The following MACO1 variants were observed in gnomAD, a reference collection of about 807,000 sequenced individuals.
MACO1 encodes macoilin.
In MACO1, 14 loss-of-function variants were observed where a neutral mutation model predicts 78.7. The observed-to-expected ratio is 0.18, with a 90% confidence interval of 0.12 to 0.28. MACO1 has a LOEUF of 0.28. Among genes scored for constraint, MACO1 ranks in the 10% least tolerant of loss-of-function variants. The pLI, the probability that MACO1 is intolerant of heterozygous loss-of-function variation, is 1.00. For synonymous variants in MACO1, 288 were observed against 291.6 expected, an observed-to-expected ratio of 0.99 and a Z score of 0.12; for missense variants, 501 against 799.0, an observed-to-expected ratio of 0.63 and a Z score of 4.50.
intron 9 of MACO1, 124 bp downstream of exon 9, chr1:25,489,417 A>G (rs1467762873): frequency 9.7e-6 from 11 of 1,129,182 alleles, no homozygotes; most frequent in Non-Finnish European, 1.3e-5. Context: ...CATCTGAAAA[A>G]TCTCTATGTG....
intron 1 of MACO1, among the ~76,000 whole-genome samples, chr1:25,431,612 G>A (rs1484946214): frequency 1.3e-5 from 2 of 152,048 alleles, no homozygotes; most frequent in Admixed American, 1.3e-4. Flanking sequence ...GGAGGCGCGT[G>A]GACCACAGCG....
In MACO1 at chr1:25,454,436, ATATGTGTGTGTG is replaced by A. The variant is rs1484282482; in HGVS notation, c.473+56_473+67del. 495 of 734,906 alleles carry A rather than the reference ATATGTGTGTGTG, an allele frequency of 6.7e-4. 27 individuals are homozygous for A. In the African/African-American group the frequency reaches 7.1e-3, roughly 11 times the overall value. 45.5% of individuals were successfully genotyped at this position (734,906 alleles called of 1,614,324 possible). ...TGTGTGTATATGTGTGTATGTATAT[ATATGTGTGTGTG>A]TGTGTGTGTGTGTGTGTGTGTGTAT... On this transcript the variant is annotated intron_variant, in intron 4 of 10. Transcript: ENST00000374343.
At chr1:25,478,662 G>GAGA (rs2043343945) in intron 6 of MACO1, among the ~76,000 whole-genome samples, 1 of 152,230 alleles carries the variant, frequency 6.6e-6, no homozygotes. Context: ...CTTAGAAGTT[G>GAGA]AGTGCTATCT....
intron 4 of MACO1, among the ~76,000 whole-genome samples, chr1:25,454,973 A>G (rs999101223): frequency 3.9e-5 from 6 of 152,112 alleles, no homozygotes; most frequent in Non-Finnish European, 7.4e-5. Context: ...TTGCCTTGTC[A>G]CTGCCTCTAA....
chr1:25,489,054 C>G (rs2043460229), intron 8 of MACO1, 119 bp from the exon 9 acceptor site: 3 of 1,299,844 alleles, frequency 2.3e-6, no homozygotes, highest in Admixed American at 5.5e-5. Flanking sequence ...CCCCTGACCT[C>G]AAATAATCTG....
chr1:25,449,693 A>C (rs2043047576), intron 3 of MACO1, among the ~76,000 whole-genome samples: 1 of 152,212 alleles, frequency 6.6e-6, no homozygotes. Flanking sequence ...TTTCCCAGAA[A>C]AATATAAGGG....
chr1:25,500,015 T>C lies in MACO1; in HGVS notation c.*1549T>C, dbSNP rs1031968034. 1.3e-5 allele frequency: 2 copies of C among 152,226 alleles called. No homozygotes were observed. Among genetic ancestry groups the C allele is most frequent in the Admixed American group, 1.3e-4 (2 of 15,284 alleles). 9.4% of individuals were successfully genotyped at this position (152,226 alleles called of 1,614,324 possible). On this transcript the variant is annotated 3_prime_UTR_variant, in exon 11 of 11. Coordinates refer to ENST00000374343, the MANE Select transcript of MACO1 (RefSeq NM_018202.6). ...GAATCATCTTGTGTAATTGTCACCA[T>C]GAAAGTGTTACTCAGAATTGTCATA...
chr1:25,463,500 A>T (rs757167083), intron 6 of MACO1, among the ~76,000 whole-genome samples: 29 of 152,252 alleles, frequency 1.9e-4, no homozygotes, highest in Non-Finnish European at 3.5e-4. Flanking sequence ...TTTACCTAAG[A>T]TATTTAAAAA....
intron 10 of MACO1, among the ~76,000 whole-genome samples, chr1:25,497,294 C>A (rs964415486): frequency 2.6e-5 from 4 of 151,418 alleles, no homozygotes; most frequent in Non-Finnish European, 4.4e-5. Flanking sequence ...GCGGGAGAAT[C>A]GCTTGAACCC....
chr1:25,443,633 T>G (rs981622475), intron 1 of MACO1, among the ~76,000 whole-genome samples: 2 of 152,252 alleles, frequency 1.3e-5, no homozygotes, highest in Non-Finnish European at 2.9e-5. Flanking sequence ...TTGAACTACG[T>G]TAGTTTTAAA....
intron 6 of MACO1, among the ~76,000 whole-genome samples, chr1:25,464,204 ATC>A (rs2043195862): frequency 6.6e-6 from 1 of 152,112 alleles, no homozygotes; most frequent in South Asian, 2.1e-4. Context: ...TCTTTTCACT[ATC>A]TCTTTAGTTT....
At chr1:25,491,895 C>T (rs1207805747) in intron 10 of MACO1, among the ~76,000 whole-genome samples, 1 of 152,074 alleles carries the variant, frequency 6.6e-6, no homozygotes, top group African/African-American at 2.4e-5. Context: ...TAAGTATATA[C>T]GGGGCCTGAG....
intron 8 of MACO1, among the ~76,000 whole-genome samples, chr1:25,486,252 T>A (rs2043429786): frequency 1.3e-5 from 2 of 152,194 alleles, no homozygotes; most frequent in South Asian, 4.1e-4. Context: ...GTGTACTGGC[T>A]GCTCAAATGG....
At chr1:25,445,864 G>A (rs2043011341) in intron 1 of MACO1, among the ~76,000 whole-genome samples, 1 of 152,138 alleles carries the variant, frequency 6.6e-6, no homozygotes, top group Non-Finnish European at 1.5e-5. Flanking sequence ...GAATTGGCAG[G>A]ATTAGGAGCA....
chr1:25,487,119 T>C (rs970961626), intron 8 of MACO1, among the ~76,000 whole-genome samples: 4 of 152,198 alleles, frequency 2.6e-5, no homozygotes, highest in African/African-American at 9.7e-5. Context: ...TTATTTATCT[T>C]ATCCCTGGAT....
At chr1:25,462,650 G>C (rs962050472) in intron 6 of MACO1, among the ~76,000 whole-genome samples, 3 of 152,180 alleles carry the variant, frequency 2.0e-5, no homozygotes, top group African/African-American at 7.2e-5. Flanking sequence ...TGAAAACTGT[G>C]GGTGAGAACT....
At position 25,498,246 on chromosome 1, in the gene MACO1, G is replaced by T; in HGVS notation, c.1793-18G>T. 6.2e-7 allele frequency: 1 copy of T among 1,613,728 alleles called. No individual in the cohort carries two copies. The highest frequency in any genetic ancestry group is 8.5e-7 in the Non-Finnish European group (1 of 1,179,776). Reference sequence around the variant, plus strand: ...TGAGGCCTCCCTTTTCACTAATGGTGGGTCTTTGATCTTACAGGACAAATC... The same window carrying T: ...TGAGGCCTCCCTTTTCACTAATGGTTGGTCTTTGATCTTACAGGACAAATC... On this transcript the variant is annotated intron_variant, in intron 10 of 10. Coordinates refer to ENST00000374343, the MANE Select transcript of MACO1 (RefSeq NM_018202.6).
chr1:25,495,153 A>G (rs754631662), intron 10 of MACO1, among the ~76,000 whole-genome samples: 7 of 152,128 alleles, frequency 4.6e-5, no homozygotes, highest in Non-Finnish European at 1.0e-4. Flanking sequence ...CAGTGCTTCA[A>G]CCCTGTTTAC....
intron 8 of MACO1, among the ~76,000 whole-genome samples, chr1:25,487,994 T>C (rs1351729577): frequency 6.6e-6 from 1 of 152,156 alleles, no homozygotes; most frequent in Non-Finnish European, 1.5e-5. Flanking sequence ...TTGAAGAAGG[T>C]AGTATGGGTA....
Sources: allele counts gnomAD v4.1 joint callset (sites outside exome capture counted in the v4.1 genomes callset), GRCh38; gene constraint gnomAD v4.1.1; transcripts MANE v1.5; gene names NCBI Gene and HGNC (gene_info 2026-07-23, HGNC 2026-07-21).